Variants in CASKIN1 observed in about 807,000 individuals in gnomAD.
CASKIN1 encodes the protein caskin-1.
In CASKIN1, 42 loss-of-function variants were observed where a neutral mutation model predicts 117.5. That is an observed-to-expected ratio of 0.36 (90% confidence interval 0.28 to 0.46). The LOEUF is 0.46. Among genes scored for constraint, CASKIN1 ranks in the 20% least tolerant of loss-of-function variants. The pLI is 1.00. For missense variants in CASKIN1, 2,083 were observed against 2,077.3 expected (o/e 1.00, Z -0.05); for synonymous variants, 1,148 against 961.7 (o/e 1.19, Z -3.59).
chr16:2,187,804 A>G (rs1033147299), intron 6 of CASKIN1, among the ~76,000 whole-genome samples: 1 of 151,124 alleles, frequency 6.6e-6, no homozygotes. Context: ...TATTTTTAGT[A>G]GAGACGGGGT....
chr16:2,181,956 AC>A, intron 16 of CASKIN1, 27 bp from the exon 17 acceptor site: 1 of 1,609,788 alleles, frequency 6.2e-7, no homozygotes, highest in South Asian at 1.1e-5. Flanking sequence ...CAGAGGAGCC[AC>A]CTGGGCTGGC....
chr16:2,179,010 G>A lies in CASKIN1; in HGVS notation c.4091C>T (p.Ser1364Leu), dbSNP rs763819241. 5 of 1,211,180 alleles carry A rather than the reference G, an allele frequency of 4.1e-6. No homozygotes were observed. The highest frequency in any genetic ancestry group is 3.2e-4 in the Middle Eastern group (1 of 3,114). 75.0% of individuals were successfully genotyped at this position (1,211,180 alleles called of 1,614,324 possible). Residue 1364 changes from serine to leucine, a missense_variant, in exon 19 of 20, where the codon TCG becomes TTG. Physicochemically the swap from Ser to Leu is moderately radical, Grantham distance 145. This residue lies in a region of CASKIN1 where 1,818 missense variants were observed against 1,688.9 expected (regional missense o/e 1.08). Transcript: ENST00000343516. This position sits in a 1 kb window ranked among gnomAD's most constrained non-coding sequence, Gnocchi z 5.8. ...AAPPAPPEGASPGDSARQKLE... is the reference protein window; with the variant it reads ...AAPPAPPEGALPGDSARQKLE... Reference sequence around the variant, plus strand: ...TTTCTGCCGGGCGCTGTCCCCTGGCGAGGCGCCTTCGGGCGGGGCGGGGGG... The same window carrying A: ...TTTCTGCCGGGCGCTGTCCCCTGGCAAGGCGCCTTCGGGCGGGGCGGGGGG...
rs2093148044 is a variant in CASKIN1, at chr16:2,178,006, G to A, written c.*544C>T. The A allele has an allele frequency of 4.9e-6, 2 of 407,892 alleles. No homozygotes were observed. Among genetic ancestry groups the A allele is most frequent in the Admixed American group, 6.9e-5 (2 of 28,786 alleles). 25.3% of individuals were successfully genotyped at this position (407,892 alleles called of 1,614,324 possible). Reference sequence around the variant, plus strand: ...TTCGTGTCCTTTCAGTTGGTAAATGGTTTTCTATAGAATCAATAATATTTC... The same window carrying A: ...TTCGTGTCCTTTCAGTTGGTAAATGATTTTCTATAGAATCAATAATATTTC... On this transcript the variant is annotated 3_prime_UTR_variant, in exon 20 of 20. Transcript: ENST00000343516.
Position 2,189,121 on chromosome 16 carries a change from C to A in CASKIN1, c.523G>T (p.Ala175Ser). 3 of 1,613,424 alleles carry A rather than the reference C, an allele frequency of 1.9e-6. No homozygotes were observed. Among genetic ancestry groups the A allele is most frequent in the Non-Finnish European group, 2.5e-6 (3 of 1,179,788 alleles). ...TCTCCCGGCCGGGGCTCCAGCAGCGCCGCACACATATTGCTGCTGAGGAGC... is the reference window on the plus strand; with the variant it reads ...TCTCCCGGCCGGGGCTCCAGCAGCGACGCACACATATTGCTGCTGAGGAGC... The part of the protein sequence containing the change: ...QLLLSSNMCA[A>S]LLEPRPGDAT... Residue 175 changes from alanine (A) to serine (S), a missense_variant, in exon 6 of 20, where the codon GCG becomes TCG. Physicochemically the swap from Ala to Ser is moderately conservative, Grantham distance 99. Around this residue, in one of 3 missense-constraint regions of CASKIN1, gnomAD observed 203 missense variants for 338.7 expected, o/e 0.60. Coordinates refer to ENST00000343516, the MANE Select transcript of CASKIN1 (RefSeq NM_020764.4).
chr16:2,178,725 C>G (rs951125744), intron 19 of CASKIN1, 79 bp from the exon 20 acceptor site: 2 of 1,383,422 alleles, frequency 1.4e-6, no homozygotes, highest in Non-Finnish European at 1.9e-6. Context: ...ACGCCCACGT[C>G]CCGCATCTCC....
chr16:2,181,348 T>G lies in CASKIN1; in HGVS notation c.2020A>C (p.Thr674Pro). The change falls in exon 18 of 20, where the codon ACC (threonine) becomes CCC (proline). Residue 674 changes from threonine (T) to proline (P), a missense_variant. Physicochemically the swap from Thr to Pro is conservative, Grantham distance 38. This residue lies in a region of CASKIN1 where 1,818 missense variants were observed against 1,688.9 expected (regional missense o/e 1.08). Transcript: ENST00000343516. ...AMTGPAEVGPTTEKPSSHLPP... is the reference protein window; with the variant it reads ...AMTGPAEVGPPTEKPSSHLPP... ...AGGTGGCTGGAGGGCTTCTCAGTGG[T>G]GGGCCCCACCTCAGCCGGGCCAGTC... is the stretch of plus-strand genomic sequence containing the variant. The G allele has an allele frequency of 6.2e-7, 1 of 1,606,804 alleles. No homozygotes were observed. The highest frequency in any genetic ancestry group is 8.5e-7 in the Non-Finnish European group (1 of 1,178,532).
chr16:2,178,485 C>T lies in CASKIN1; in HGVS notation c.*65G>A. The T allele has an allele frequency of 3.8e-6, 5 of 1,321,260 alleles. No individual in the cohort carries two copies. The highest frequency in any genetic ancestry group is 4.1e-6 in the Non-Finnish European group (4 of 986,868). The allele number at this position is 1,321,260 out of a possible 1,614,324, so 81.8% of individuals were successfully genotyped here. ...TCGCGCCGCGCCCAGACGCGCCCAT[C>T]CTGAGGTATAGGTCAGTGTGCGGGG... is the stretch of plus-strand genomic sequence containing the variant. On this transcript the variant is annotated 3_prime_UTR_variant, in exon 20 of 20. Coordinates refer to ENST00000343516, the MANE Select transcript of CASKIN1 (RefSeq NM_020764.4).
Position 2,183,709 on chromosome 16 carries a change from C to A in CASKIN1, c.1566G>T (p.Arg522=), listed in dbSNP as rs1359431955. Residue 522 remains arginine (R), a synonymous_variant, in exon 16 of 20, where the codon CGG becomes CGT. Coordinates refer to ENST00000343516, the MANE Select transcript of CASKIN1 (RefSeq NM_020764.4). ...CGCTGATCTCTGCCGCGATCTTCTTCCGGTGGCCCGGCTTGGTGACACCAA... is the reference window on the plus strand; with the variant it reads ...CGCTGATCTCTGCCGCGATCTTCTTACGGTGGCCCGGCTTGGTGACACCAA... The part of the protein sequence containing the change: ...TAIGVTKPGH[R]KKIAAEISGL... 1.2e-6 allele frequency: 2 copies of A among 1,613,274 alleles called. No individual in the cohort carries two copies. Among genetic ancestry groups the A allele is most frequent in the Non-Finnish European group, 1.7e-6 (2 of 1,179,998 alleles).
At position 2,183,825 on chromosome 16, in the gene CASKIN1, G is replaced by T. The variant is rs140359456; in HGVS notation, c.1527+6C>A. 4.3e-6 allele frequency: 7 copies of T among 1,612,258 alleles called. No homozygotes were observed. Among genetic ancestry groups the T allele is most frequent in the Non-Finnish European group, 5.9e-6 (7 of 1,179,276 alleles). On this transcript the variant is annotated splice_donor_region_variant and intron_variant, in intron 15 of 19. Transcript: ENST00000343516. The stretch of plus-strand genomic sequence containing the variant: ...AGCTGGCGCTGGCGGCGCATGGAAA[G>T]CTCACCTCGGGAGTCATGCGGCTGA...
Position 2,178,522 on chromosome 16 carries a change from G to T in CASKIN1, c.*28C>A. ...GTCAGTGTGCGGGGAGGGCCCGGGC[G>T]GCGCGGGAGGGCCCGGCCAGGCGGC... On this transcript the variant is annotated 3_prime_UTR_variant, in exon 20 of 20. Coordinates refer to ENST00000343516, the MANE Select transcript of CASKIN1 (RefSeq NM_020764.4). 1 of 1,534,166 alleles carries T rather than the reference G, an allele frequency of 6.5e-7. No homozygotes were observed. The highest frequency in any genetic ancestry group is 8.7e-7 in the Non-Finnish European group (1 of 1,144,300).
In CASKIN1 at chr16:2,181,777, G is replaced by C; in HGVS notation, c.1768+14C>G. The C allele has an allele frequency of 6.2e-7, 1 of 1,612,054 alleles. No individual in the cohort carries two copies. The highest frequency in any genetic ancestry group is 8.5e-7 in the Non-Finnish European group (1 of 1,179,472). ...GGGTTGGGCTGGGGACGAGGGCTGG[G>C]GCTGGGGCCTCACCCAGCTTGGTGA... On this transcript the variant is annotated intron_variant, in intron 17 of 19. Transcript: ENST00000343516.
At chr16:2,188,707 T>C (rs1313909273) in intron 6 of CASKIN1, among the ~76,000 whole-genome samples, 1 of 152,186 alleles carries the variant, frequency 6.6e-6, no homozygotes, top group Non-Finnish European at 1.5e-5. Flanking sequence ...CCAGCTGTTA[T>C]CTTGTCTGAT....
At position 2,182,600 on chromosome 16, in the gene CASKIN1, C is replaced by A. The variant is rs1312856826; in HGVS notation, c.1630-671G>T. Among the ~76,000 whole-genome samples, 1 of 152,238 alleles carries A rather than the reference C, an allele frequency of 6.6e-6. No individual in the cohort carries two copies. Among genetic ancestry groups the A allele is most frequent in the Non-Finnish European group, 1.5e-5 (1 of 68,038 alleles). ...CCTGACCCCTAGGAGGATCCCCGAG[C>A]CACCAATTGAGTGAGGCAAGGCAGG... On this transcript the variant is annotated intron_variant, in intron 16 of 19. Coordinates refer to ENST00000343516, the MANE Select transcript of CASKIN1 (RefSeq NM_020764.4). The surrounding 1 kb of genome is among the most constrained non-coding windows in gnomAD (Gnocchi z 4.1).
chr16:2,194,622 T>G (rs933608311), intron 1 of CASKIN1, among the ~76,000 whole-genome samples: 1 of 152,180 alleles, frequency 6.6e-6, no homozygotes, highest in African/African-American at 2.4e-5. Flanking sequence ...AGCGTTGCCA[T>G]GACGACGGAG....
chr16:2,183,553 G>C, intron 16 of CASKIN1, 93 bp downstream of exon 16: 1 of 1,235,202 alleles, frequency 8.1e-7, no homozygotes, highest in African/African-American at 1.5e-5. Flanking sequence ...GCCCCTGAGG[G>C]CGGGTGGGAG....
chr16:2,178,201 C>G lies in CASKIN1; in HGVS notation c.*349G>C, dbSNP rs112027358. ...TGTCCCTTGTGCTGCGCCCGAGCGG[C>G]TGGCCGGGCGTCCCGATGGGCAGTT... On this transcript the variant is annotated 3_prime_UTR_variant, in exon 20 of 20. Coordinates refer to ENST00000343516, the MANE Select transcript of CASKIN1 (RefSeq NM_020764.4). 4.5e-6 allele frequency: 2 copies of G among 440,866 alleles called. No homozygotes were observed. 27.3% of individuals were successfully genotyped at this position (440,866 alleles called of 1,614,324 possible).
In CASKIN1 at chr16:2,180,031, G is replaced by A. The variant is rs2093161646; in HGVS notation, c.3337C>T (p.Pro1113Ser). The stretch of plus-strand genomic sequence containing the variant: ...CTGGCTTCCACCTTGGCCAAGGGCG[G>A]GCCTTCGACACCCGCCTCGCCCTTG... ...PSKGEAGVEG[P>S]PLAKVEASAT... Residue 1113 changes from proline (P) to serine (S), a missense_variant, in exon 18 of 20, where the codon CCG becomes TCG. By Grantham distance (74) the Pro-to-Ser change is moderately conservative. Coordinates refer to ENST00000343516, the MANE Select transcript of CASKIN1 (RefSeq NM_020764.4). 1.9e-6 allele frequency: 3 copies of A among 1,587,898 alleles called. No individual in the cohort carries two copies. The highest frequency in any genetic ancestry group is 2.6e-6 in the Non-Finnish European group (3 of 1,166,860).
rs74701831 is a variant in CASKIN1, at chr16:2,195,410, G to A, written c.94+929C>T. On this transcript the variant is annotated intron_variant, in intron 1 of 19. Coordinates refer to ENST00000343516, the MANE Select transcript of CASKIN1 (RefSeq NM_020764.4). ...ACGCCCAGACCCCACGTGCCGACCT[G>A]CAGAGCCCTGTCCGTGCCCGCACAG... 7.2e-5 allele frequency among the ~76,000 whole-genome samples: 11 copies of A among 152,332 alleles called. No homozygotes were observed. The East Asian group carries it at 2.1e-3, about 29-fold the overall frequency.
Position 2,180,731 on chromosome 16 carries a change from C to A in CASKIN1, c.2637G>T (p.Arg879=), listed in dbSNP as rs969621817. The A allele has an allele frequency of 3.9e-5, 56 of 1,452,114 alleles. No homozygotes were observed. The highest frequency in any genetic ancestry group is 5.0e-5 in the Non-Finnish European group (56 of 1,110,012). 90.0% of individuals were successfully genotyped at this position (1,452,114 alleles called of 1,614,324 possible). The stretch of plus-strand genomic sequence containing the variant: ...CCGCATAGCGATTCAGGCTGTGGGC[C>A]CGCTTCTTGGGCCGCCCCGGCTCCG... ...ADAEPGRPKK[R]AHSLNRYAAS... Residue 879 remains arginine, a synonymous_variant, in exon 18 of 20, where the codon CGG becomes CGT. Transcript: ENST00000343516.
Sources: allele counts gnomAD v4.1 joint callset (sites outside exome capture counted in the v4.1 genomes callset), GRCh38; gene constraint gnomAD v4.1.1; regional missense constraint gnomAD v4.1.1; non-coding constraint Gnocchi (gnomAD v3.1); transcripts MANE v1.5; gene names NCBI Gene and HGNC (gene_info 2026-07-23, HGNC 2026-07-21).